Variants in CCDC171 observed in about 807,000 individuals in gnomAD.
CCDC171 encodes the protein coiled-coil domain containing 171, also known as coiled-coil domain-containing protein 171.
In CCDC171, 177 loss-of-function variants were observed where a neutral mutation model predicts 168.2. That is an observed-to-expected ratio of 1.05 (90% confidence interval 0.93 to 1.19). The LOEUF is 1.19. Ranked by LOEUF, CCDC171 falls within the 50% of genes most tolerant of loss-of-function variation. The pLI is 0.00. For missense variants in CCDC171, 1,991 were observed against 1,539.0 expected (o/e 1.29, Z -4.91); for synonymous variants, 687 against 540.8 (o/e 1.27, Z -3.75).
chr9:15,653,396 C>G (rs1202566102), intron 7 of CCDC171, among the ~76,000 whole-genome samples: 1 of 152,100 alleles, frequency 6.6e-6, no homozygotes, highest in African/African-American at 2.4e-5. Flanking sequence ...CCTGAGTTGG[C>G]CTTCTGAAGT....
chr9:15,825,748 T>C (rs1251354700), intron 21 of CCDC171, among the ~76,000 whole-genome samples: 2 of 152,158 alleles, frequency 1.3e-5, no homozygotes, highest in African/African-American at 4.8e-5. Flanking sequence ...GCAATAATTC[T>C]AGAAGTGTCT....
chr9:15,950,556 A>T (rs201462513), intron 25 of CCDC171, among the ~76,000 whole-genome samples: 32 of 152,084 alleles, frequency 2.1e-4, no homozygotes, highest in African/African-American at 5.3e-4. Context: ...TAAAATCCTT[A>T]ACAGACAAGC....
At chr9:15,635,676 C>G (rs2046146832) in intron 7 of CCDC171, among the ~76,000 whole-genome samples, 1 of 152,202 alleles carries the variant, frequency 6.6e-6, no homozygotes, top group African/African-American at 2.4e-5. Flanking sequence ...TTAATCCAAT[C>G]AAGTTGACAC....
chr9:15,638,202 G>A (rs182248439), intron 7 of CCDC171, among the ~76,000 whole-genome samples: 1 of 152,180 alleles, frequency 6.6e-6, no homozygotes, highest in Non-Finnish European at 1.5e-5. Context: ...TACAAGTGGA[G>A]AGCTTTAGTC....
Position 15,779,009 on chromosome 9 carries a change from A to C in CCDC171, c.2940A>C (p.Thr980=). 1.3e-6 allele frequency: 2 copies of C among 1,576,448 alleles called. No individual in the cohort carries two copies. The highest frequency in any genetic ancestry group is 1.4e-5 in the African/African-American group (1 of 73,534). Residue 980 remains threonine, a synonymous_variant, in exon 20 of 26, where the codon ACA becomes ACC. Transcript: ENST00000380701. ...ASLQKQILGF[T]QRLHAAEVER... The stretch of plus-strand genomic sequence containing the variant: ...TGCAGAAGCAAATACTTGGATTTAC[A>C]CAAAGACTGCATGCTGCAGAAGTGG...
chr9:15,713,691 G>A (rs941021862), intron 11 of CCDC171, among the ~76,000 whole-genome samples: 1 of 152,060 alleles, frequency 6.6e-6, no homozygotes, highest in African/African-American at 2.4e-5. Context: ...ACTCCTAAAA[G>A]TTTACACTAT....
At chr9:15,827,111 C>T (rs751342286) in intron 21 of CCDC171, among the ~76,000 whole-genome samples, 2 of 152,178 alleles carry the variant, frequency 1.3e-5, no homozygotes, top group Non-Finnish European at 2.9e-5. Context: ...GCTGGTCCTT[C>T]CTTTTTGGCA....
chr9:15,592,550 C>T (rs939086781), intron 5 of CCDC171, among the ~76,000 whole-genome samples: 3 of 152,144 alleles, frequency 2.0e-5, no homozygotes, highest in Non-Finnish European at 4.4e-5. Context: ...ATTTCTTCCA[C>T]ATCAGTAGTC....
downstream of CCDC171, among the ~76,000 whole-genome samples, chr9:15,976,002 G>A (rs866483736): frequency 1.3e-5 from 2 of 152,170 alleles, no homozygotes; most frequent in African/African-American, 4.8e-5. Flanking sequence ...GTGATACGAT[G>A]ATGGAAGCCG....
intron 10 of CCDC171, among the ~76,000 whole-genome samples, chr9:15,689,412 A>G (rs1357889711): frequency 2.0e-5 from 3 of 152,150 alleles, no homozygotes; most frequent in Admixed American, 6.5e-5. Flanking sequence ...CCTAAAACAC[A>G]TATGGAAATA....
At chr9:15,628,176 G>A (rs565213110) in intron 7 of CCDC171, among the ~76,000 whole-genome samples, 219 of 152,246 alleles carry the variant, frequency 1.4e-3, no homozygotes, top group Admixed American at 2.9e-3. Flanking sequence ...GACAGTGGGC[G>A]CAGGACAGTG....
At chr9:15,945,148 T>C (rs201720514) in intron 25 of CCDC171, among the ~76,000 whole-genome samples, 110 of 149,924 alleles carry the variant, frequency 7.3e-4, no homozygotes, top group African/African-American at 2.4e-3. Flanking sequence ...TTTGTTCTTG[T>C]GATAGTTTAC....
chr9:15,953,548 T>C (rs1391429860), intron 25 of CCDC171, among the ~76,000 whole-genome samples: 1 of 152,166 alleles, frequency 6.6e-6, no homozygotes, highest in African/African-American at 2.4e-5. Context: ...TGGTGTTTGG[T>C]CATTTTATTG....
intron 3 of CCDC171, among the ~76,000 whole-genome samples, chr9:16,003,621 A>G (rs1191069283): frequency 2.6e-5 from 4 of 152,196 alleles, no homozygotes; most frequent in Non-Finnish European, 5.9e-5. Context: ...AAATACTTGG[A>G]TATAAGAACT....
chr9:15,737,501 G>A (rs1484781237), intron 16 of CCDC171, among the ~76,000 whole-genome samples: 2 of 152,074 alleles, frequency 1.3e-5, no homozygotes, highest in African/African-American at 4.8e-5. Flanking sequence ...GAATTTAGAG[G>A]TAATATTGCT....
chr9:16,084,753 G>C, the CCDC171 span, among the ~76,000 whole-genome samples: 3 of 152,140 alleles, frequency 2.0e-5, no homozygotes, highest in Non-Finnish European at 4.4e-5. Context: ...TCCAGGCAGG[G>C]TTTTGGGTGT....
chr9:15,555,761 G>A (rs550605026), intron 1 of CCDC171, among the ~76,000 whole-genome samples: 4 of 152,118 alleles, frequency 2.6e-5, no homozygotes, highest in Non-Finnish European at 5.9e-5. Flanking sequence ...GCATACATGT[G>A]CCATGTTGGT....
At chr9:16,014,126 C>G (rs946850408) in intron 3 of CCDC171, among the ~76,000 whole-genome samples, 1 of 152,228 alleles carries the variant, frequency 6.6e-6, no homozygotes, top group Non-Finnish European at 1.5e-5. Flanking sequence ...TCCTCTCAAC[C>G]CTTGCCACTG....
At chr9:16,050,881 C>T (rs1045062524) in intron 1 of CCDC171, among the ~76,000 whole-genome samples, 17 of 152,112 alleles carry the variant, frequency 1.1e-4, no homozygotes, top group Admixed American at 8.5e-4. Context: ...ATCCGATGAC[C>T]ACAGTTATAA....
Sources: gnomAD v4.1 joint callset for allele counts (sites outside exome capture counted in the v4.1 genomes callset) on GRCh38, gnomAD v4.1.1 for gene constraint, MANE v1.5 for transcripts, NCBI Gene and HGNC (gene_info 2026-07-23, HGNC 2026-07-21) for gene names.